The following CSNK1G3 variants were observed in gnomAD, a reference collection of about 807,000 sequenced individuals.
The protein encoded by CSNK1G3 is casein kinase I isoform gamma-3.
A neutral mutation model predicts 64.3 loss-of-function variants in CSNK1G3; 23 were observed. The observed-to-expected ratio is 0.36, with a 90% CI of 0.26 to 0.51. The LOEUF is 0.51. Among genes scored for constraint, CSNK1G3 ranks in the 20% least tolerant of loss-of-function variants. CSNK1G3 has a pLI of 0.96. For synonymous variants in CSNK1G3, 158 were observed against 162.2 expected (o/e 0.97, Z 0.20); for missense variants, 357 against 510.5 (o/e 0.70, Z 2.90).
chr5:123,525,374 C>T (rs552301156), intron 1 of CSNK1G3, among the ~76,000 whole-genome samples: 1 of 149,856 alleles, frequency 6.7e-6, no homozygotes, highest in Non-Finnish European at 1.5e-5. Context: ...TGCAGTGGTG[C>T]GATCTCGGCT....
intron 10 of CSNK1G3, 124 bp from the exon 12 acceptor site, chr5:123,604,600 T>G (rs752252714): frequency 2.1e-5 from 11 of 518,222 alleles, no homozygotes; most frequent in Non-Finnish European, 2.8e-5. Flanking sequence ...TTCCTCACAT[T>G]AACTTTCTAA....
chr5:123,542,030 G>A (rs910027708), intron 1 of CSNK1G3, among the ~76,000 whole-genome samples: 7 of 151,404 alleles, frequency 4.6e-5, no homozygotes, highest in African/African-American at 1.7e-4. Flanking sequence ...ACTTATCATT[G>A]GCTACCTAGA....
At chr5:123,528,369 T>TAACCTTTTGA (rs2150062883) in intron 1 of CSNK1G3, among the ~76,000 whole-genome samples, 2 of 152,308 alleles carry the variant, frequency 1.3e-5, no homozygotes, top group East Asian at 3.9e-4. Context: ...CATTCTTAAA[T>TAACCTTTTGA]TTCTAAGAGG....
chr5:123,526,613 C>G lies in CSNK1G3; in HGVS notation c.-248+14043C>G, dbSNP rs377041793. ...CTCCTAGCAGCCACTGATTTGTTTTCTCTTTCTATAATTTTGCTTTTTCTA... is the reference window on the plus strand; with the variant it reads ...CTCCTAGCAGCCACTGATTTGTTTTGTCTTTCTATAATTTTGCTTTTTCTA... On this transcript the variant is annotated intron_variant, in intron 1 of 12. Coordinates refer to ENST00000345990, the Ensembl canonical transcript of CSNK1G3. Among the ~76,000 whole-genome samples, 4 of 152,252 alleles carry G rather than the reference C, an allele frequency of 2.6e-5. No individual in the cohort carries two copies. The South Asian group carries it at 8.3e-4, about 32-fold the overall frequency.
chr5:123,517,306 T>C (rs994422233), intron 1 of CSNK1G3, among the ~76,000 whole-genome samples: 2 of 152,188 alleles, frequency 1.3e-5, no homozygotes, highest in African/African-American at 4.8e-5. Flanking sequence ...TTCCCCCCAG[T>C]TACTGTAGAC....
chr5:123,554,466 G>A (rs34883283), intron 3 of CSNK1G3, among the ~76,000 whole-genome samples: 5 of 152,252 alleles, frequency 3.3e-5, no homozygotes, highest in South Asian at 2.1e-4. Context: ...ATGGGCCGAT[G>A]TACATAGAAA....
chr5:123,568,063 A>T (rs965126774), intron 4 of CSNK1G3, among the ~76,000 whole-genome samples: 6 of 152,228 alleles, frequency 3.9e-5, no homozygotes, highest in African/African-American at 1.4e-4. Flanking sequence ...CAGATGAGGC[A>T]AAACTTCATA....
intron 10 of CSNK1G3, among the ~76,000 whole-genome samples, chr5:123,595,382 A>G (rs1432169905): frequency 8.5e-5 from 13 of 152,182 alleles, no homozygotes; most frequent in African/African-American, 9.7e-5. Flanking sequence ...TTTAAGTCAT[A>G]TAGCAGATTA....
intron 4 of CSNK1G3, among the ~76,000 whole-genome samples, chr5:123,560,146 G>A (rs1488988232): frequency 6.6e-6 from 1 of 152,064 alleles, no homozygotes; most frequent in African/African-American, 2.4e-5. Flanking sequence ...AATCATTAGG[G>A]AAATGCAGCT....
intron 1 of CSNK1G3, among the ~76,000 whole-genome samples, chr5:123,524,007 T>C (rs939602823): frequency 6.6e-6 from 1 of 152,248 alleles, no homozygotes; most frequent in East Asian, 1.9e-4. Context: ...TTCTAAGACA[T>C]GTTTGACTGC....
intron 1 of CSNK1G3, among the ~76,000 whole-genome samples, chr5:123,535,828 T>C (rs1780700102): frequency 1.3e-5 from 2 of 152,136 alleles, no homozygotes; most frequent in Admixed American, 6.6e-5. Context: ...GATGTTCAAT[T>C]TTAAGCTAAC....
intron 10 of CSNK1G3, among the ~76,000 whole-genome samples, chr5:123,604,245 G>C (rs1794969902): frequency 6.6e-6 from 1 of 152,118 alleles, no homozygotes; most frequent in South Asian, 2.1e-4. Flanking sequence ...GTGAATGAAT[G>C]GTGTTGTCTC....
In CSNK1G3 at chr5:123,569,510, G is replaced by A. The variant is rs562775466; in HGVS notation, c.290-3883G>A. 3.3e-5 allele frequency among the ~76,000 whole-genome samples: 5 copies of A among 152,228 alleles called. No homozygotes were observed. The South Asian group carries it at 1.0e-3, about 32-fold the overall frequency. On this transcript the variant is annotated intron_variant, in intron 4 of 12. Transcript: ENST00000345990. ...CTTTTGGAGGACACTGGTTCATTGA[G>A]TTATGCATGTATTTCAAATACTAAC...
intron 2 of CSNK1G3, among the ~76,000 whole-genome samples, chr5:123,546,177 C>G (rs1214682322): frequency 6.6e-6 from 1 of 152,060 alleles, no homozygotes; most frequent in Non-Finnish European, 1.5e-5. Context: ...TTTTCAGATT[C>G]AAAAATGTTT....
At chr5:123,614,733 A>C (rs1327047785) in exon 13 of CSNK1G3, 1 of 190,336 alleles carries the variant, frequency 5.3e-6, no homozygotes, top group Non-Finnish European at 1.1e-5. Context: ...CAGTATCTTA[A>C]GTGTCAACCA....
chr5:123,543,917 A>G (rs1782096578), intron 1 of CSNK1G3, among the ~76,000 whole-genome samples: 3 of 152,166 alleles, frequency 2.0e-5, no homozygotes, highest in African/African-American at 7.2e-5. Flanking sequence ...TGTTAGGACT[A>G]ATGGTGGAAT....
At chr5:123,573,354 G>A in intron 4 of CSNK1G3, 39 bp from the exon 5 acceptor site, 1 of 1,589,384 alleles carries the variant, frequency 6.3e-7, no homozygotes, top group South Asian at 1.1e-5. Context: ...TAGTATTTAA[G>A]ATGATGAAAT....
At chr5:123,591,241 T>G in intron 9 of CSNK1G3, 78 bp from the exon 10 acceptor site, 1 of 821,222 alleles carries the variant, frequency 1.2e-6, no homozygotes, top group Non-Finnish European at 1.8e-6. Context: ...TTTTCCTTAA[T>G]TCTTTTAAGC....
intron 10 of CSNK1G3, 32 bp from the exon 12 acceptor site, chr5:123,604,692 A>G: frequency 8.3e-7 from 1 of 1,211,998 alleles, no homozygotes; most frequent in Non-Finnish European, 1.2e-6. Context: ...GTGTGTACAT[A>G]TACATATATA....
Sources: gnomAD v4.1 joint callset for allele counts (sites outside exome capture counted in the v4.1 genomes callset) on GRCh38, gnomAD v4.1.1 for gene constraint, MANE v1.5 for transcripts, NCBI Gene and HGNC (gene_info 2026-07-23, HGNC 2026-07-21) for gene names.